Variants in OSBPL8 observed in about 807,000 individuals in gnomAD.
OSBPL8 encodes the protein oxysterol binding protein like 8.
A neutral mutation model predicts 125.5 loss-of-function variants in OSBPL8; 59 were observed. The ratio of observed to expected loss-of-function variants is 0.47; its 90% CI spans 0.38 to 0.58. OSBPL8 has a LOEUF of 0.58. Ranked by LOEUF, OSBPL8 falls within the 20% of genes least tolerant of loss-of-function variation. OSBPL8 has a pLI of 0.00. For missense variants in OSBPL8, 758 were observed against 1,047.8 expected, an observed-to-expected ratio of 0.72 and a Z score of 3.82; for synonymous variants, 330 against 338.9, an observed-to-expected ratio of 0.97 and a Z score of 0.29.
At chr12:76,544,545 A>T (rs1950732368) in intron 1 of OSBPL8, among the ~76,000 whole-genome samples, 1 of 152,170 alleles carries the variant, frequency 6.6e-6, no homozygotes, top group Non-Finnish European at 1.5e-5. Context: ...TAATTTTAAA[A>T]CTGGTCATAT....
At chr12:76,399,611 TA>T (rs1212628695) in intron 7 of OSBPL8, among the ~76,000 whole-genome samples, 1 of 152,224 alleles carries the variant, frequency 6.6e-6, no homozygotes, top group African/African-American at 2.4e-5. Flanking sequence ...TTAGACAACA[TA>T]TCACACAAAC....
Position 76,524,843 on chromosome 12 carries a change from C to T in OSBPL8, c.-68+34554G>A, listed in dbSNP as rs78171855. 1.1e-4 allele frequency among the ~76,000 whole-genome samples: 16 copies of T among 152,100 alleles called. No homozygotes were observed. In the East Asian group the frequency reaches 3.1e-3, roughly 29 times the overall value. ...GGATTACAGGTGCACAGTACCACGC[C>T]CAGCTAATTTTTGTATTTTTAGTAG... On this transcript the variant is annotated intron_variant, in intron 1 of 23. Coordinates refer to ENST00000261183, the MANE Select transcript of OSBPL8 (RefSeq NM_020841.5).
At chr12:76,469,471 C>A (rs1206265537) in intron 2 of OSBPL8, among the ~76,000 whole-genome samples, 1 of 152,168 alleles carries the variant, frequency 6.6e-6, no homozygotes, top group Non-Finnish European at 1.5e-5. Flanking sequence ...TGACTCTGTA[C>A]CTCCACCTTC....
intron 18 of OSBPL8, among the ~76,000 whole-genome samples, chr12:76,372,362 C>T (rs1055687064): frequency 2.0e-5 from 3 of 151,858 alleles, no homozygotes; most frequent in African/African-American, 7.3e-5. Flanking sequence ...GCCATCATGC[C>T]CATCTAATTT....
At chr12:76,439,014 A>C (rs1871847882) in intron 4 of OSBPL8, among the ~76,000 whole-genome samples, 1 of 152,158 alleles carries the variant, frequency 6.6e-6, no homozygotes, top group East Asian at 1.9e-4. Flanking sequence ...CACCAACTAC[A>C]GGCTATATTC....
In OSBPL8 at chr12:76,371,658, C is replaced by T. The variant is rs1320449005; in HGVS notation, c.1918-74G>A. ...GCAATTATATAGTATAGTAATATGA[C>T]GGTGATAATTTCTTCTGGTTAATCC... On this transcript the variant is annotated intron_variant, in intron 18 of 23. Coordinates refer to ENST00000261183, the MANE Select transcript of OSBPL8 (RefSeq NM_020841.5). 6.6e-6 allele frequency: 8 copies of T among 1,214,624 alleles called. No individual in the cohort carries two copies. The South Asian group carries it at 1.4e-4, about 22-fold the overall frequency. 75.2% of individuals were successfully genotyped at this position (1,214,624 alleles called of 1,614,324 possible).
At chr12:76,415,174 C>T (rs1216732587) in intron 4 of OSBPL8, among the ~76,000 whole-genome samples, 3 of 151,998 alleles carry the variant, frequency 2.0e-5, no homozygotes, top group Non-Finnish European at 2.9e-5. Context: ...TTTCATTTAA[C>T]GGTTGGTAGA....
In OSBPL8 at chr12:76,487,634, G is replaced by T; in HGVS notation, c.-67-16C>A. On this transcript the variant is annotated splice_polypyrimidine_tract_variant and intron_variant, in intron 1 of 23. Transcript: ENST00000261183. ...TCTGCAAATCCTAAAATAAGAAAAT[G>T]ATATTTATTAGGACTGGTATAAAAC... 8.6e-7 allele frequency: 1 copy of T among 1,162,176 alleles called. No individual in the cohort carries two copies. Among genetic ancestry groups the T allele is most frequent in the Non-Finnish European group, 1.2e-6 (1 of 829,422 alleles). The allele number at this position is 1,162,176 out of a possible 1,614,324, so 72.0% of individuals were successfully genotyped here.
intron 1 of OSBPL8, among the ~76,000 whole-genome samples, chr12:76,496,504 G>A (rs1320530479): frequency 2.0e-5 from 3 of 151,534 alleles, no homozygotes; most frequent in Non-Finnish European, 4.4e-5. Context: ...CTGAATAGCT[G>A]AGACCACAGC....
At chr12:76,525,768 C>A (rs1397578412) in intron 1 of OSBPL8, among the ~76,000 whole-genome samples, 2 of 152,068 alleles carry the variant, frequency 1.3e-5, no homozygotes, top group Non-Finnish European at 2.9e-5. Flanking sequence ...AATGTAATAA[C>A]ATTTTAAACA....
At chr12:76,492,936 AT>A (rs139829715) in intron 1 of OSBPL8, among the ~76,000 whole-genome samples, 8,084 of 149,104 alleles carry the variant, frequency 0.054, 740 homozygotes, top group African/African-American at 0.19. Flanking sequence ...ATATATAGAT[AT>A]TTTTTTTTTG....
chr12:76,448,236 G>A (rs1306547732), intron 4 of OSBPL8, among the ~76,000 whole-genome samples: 1 of 152,090 alleles, frequency 6.6e-6, no homozygotes, highest in Admixed American at 6.5e-5. Context: ...TCTATACAAT[G>A]GGTATATTAG....
intron 4 of OSBPL8, among the ~76,000 whole-genome samples, chr12:76,412,398 C>G (rs2136430211): frequency 6.6e-6 from 1 of 152,212 alleles, no homozygotes; most frequent in East Asian, 1.9e-4. Context: ...AATTCAAAAG[C>G]TGCACACTTA....
intron 1 of OSBPL8, among the ~76,000 whole-genome samples, chr12:76,531,645 G>A (rs17198285): frequency 0.17 from 26,587 of 152,050 alleles, 2,880 homozygotes; most frequent in Non-Finnish European, 0.26. Flanking sequence ...TGAATTAACA[G>A]GCCATGTAGT....
intron 4 of OSBPL8, among the ~76,000 whole-genome samples, chr12:76,417,738 T>C (rs1396275432): frequency 1.3e-5 from 2 of 152,306 alleles, no homozygotes; most frequent in East Asian, 3.9e-4. Context: ...AATAATTCCA[T>C]TTTGAAAGTT....
At chr12:76,386,538 TA>T in intron 13 of OSBPL8, 40 bp downstream of exon 13, 1 of 1,496,914 alleles carries the variant, frequency 6.7e-7, no homozygotes, top group East Asian at 2.3e-5. Flanking sequence ...AAAGAATTCA[TA>T]AAACACTAAA....
At chr12:76,429,040 A>G (rs1422489414) in intron 4 of OSBPL8, among the ~76,000 whole-genome samples, 3 of 152,112 alleles carry the variant, frequency 2.0e-5, no homozygotes, top group African/African-American at 7.2e-5. Flanking sequence ...TAATAATTAC[A>G]TGGCTGCAAA....
At chr12:76,431,626 T>A (rs1052506862) in intron 4 of OSBPL8, among the ~76,000 whole-genome samples, 2 of 152,064 alleles carry the variant, frequency 1.3e-5, no homozygotes, top group African/African-American at 4.8e-5. Context: ...TCAGGAAAAA[T>A]GGACTATAAG....
chr12:76,406,733 A>T (rs900635469), intron 5 of OSBPL8, among the ~76,000 whole-genome samples: 14 of 152,032 alleles, frequency 9.2e-5, no homozygotes, highest in African/African-American at 3.4e-4. Context: ...CTCCCACCTT[A>T]GCTTCCTGAG....
Sources: allele counts gnomAD v4.1 joint callset (sites outside exome capture counted in the v4.1 genomes callset), GRCh38; gene constraint gnomAD v4.1.1; transcripts MANE v1.5; gene names NCBI Gene and HGNC (gene_info 2026-07-23, HGNC 2026-07-21).